Variants in PCDH15 observed in about 807,000 individuals in gnomAD.
PCDH15 encodes the protein protocadherin-15.
A neutral mutation model predicts 178.5 loss-of-function variants in PCDH15; 129 were observed. The observed-to-expected ratio is 0.72, with a 90% confidence interval of 0.63 to 0.84. PCDH15 has a LOEUF of 0.84. PCDH15 is among the 40% of genes least tolerant of loss of function. PCDH15 has a pLI of 0.00. For synonymous variants in PCDH15, 800 were observed against 732.0 expected (o/e 1.09, Z -1.50); for missense variants, 2,230 against 2,099.9 (o/e 1.06, Z -1.21).
intron 3 of PCDH15, among the ~76,000 whole-genome samples, chr10:54,390,091 C>A (rs1174940503): frequency 6.6e-6 from 1 of 152,180 alleles, no homozygotes; most frequent in Non-Finnish European, 1.5e-5. Flanking sequence ...GTTAGCCAAT[C>A]TAGCAGACTA....
In PCDH15 at chr10:53,811,531, A is replaced by G; in HGVS notation, c.4562+18T>C. ...ATATTAAAATAAGAATCTGAATTTTAAAAATCTGAAGATGTACCCATGCTC... is the reference window on the plus strand; with the variant it reads ...ATATTAAAATAAGAATCTGAATTTTGAAAATCTGAAGATGTACCCATGCTC... On this transcript the variant is annotated intron_variant, in intron 36 of 37. Transcript: ENST00000644397. 7.0e-7 allele frequency: 1 copy of G among 1,420,556 alleles called. No individual in the cohort carries two copies. Among genetic ancestry groups the G allele is most frequent in the South Asian group, 1.6e-5 (1 of 63,742 alleles). The allele number at this position is 1,420,556 out of a possible 1,614,324, so 88.0% of individuals were successfully genotyped here.
chr10:54,765,015 C>T (rs1007242418), intron 1 of PCDH15, among the ~76,000 whole-genome samples: 1 of 151,944 alleles, frequency 6.6e-6, no homozygotes, highest in African/African-American at 2.4e-5. Context: ...TAAAAAGATC[C>T]AACAGGCAAA....
intron 2 of PCDH15, among the ~76,000 whole-genome samples, chr10:55,085,445 CAAT>C (rs1464267782): frequency 9.2e-5 from 14 of 151,424 alleles, no homozygotes; most frequent in Admixed American, 7.3e-4. Context: ...ACAGAGTGGC[CAAT>C]AACAATTTAT....
At chr10:54,185,346 T>G in intron 11 of PCDH15, 78 bp from the exon 12 acceptor site, 8 of 1,532,682 alleles carry the variant, frequency 5.2e-6, no homozygotes, top group Non-Finnish European at 7.2e-6. Context: ...AGTTAATGTT[T>G]GAAATTTATA....
At chr10:55,150,868 A>T (rs1220801745) in intron 2 of PCDH15, among the ~76,000 whole-genome samples, 4 of 152,116 alleles carry the variant, frequency 2.6e-5, no homozygotes, top group Non-Finnish European at 5.9e-5. Flanking sequence ...TCTCAGTTAC[A>T]TTTTGAAGCT....
intron 3 of PCDH15, among the ~76,000 whole-genome samples, chr10:54,837,946 G>A (rs543394651): frequency 2.6e-5 from 4 of 152,122 alleles, no homozygotes; most frequent in Non-Finnish European, 5.9e-5. Flanking sequence ...GGAAACCGTC[G>A]TGTTAAACTC....
intron 3 of PCDH15, among the ~76,000 whole-genome samples, chr10:54,858,630 C>A (rs1953783165): frequency 6.6e-6 from 1 of 151,952 alleles, no homozygotes; most frequent in South Asian, 2.1e-4. Flanking sequence ...ATTATGTAAC[C>A]ACCAGATGCA....
chr10:55,508,841 A>ATTG (rs1565207416), intron 2 of PCDH15, among the ~76,000 whole-genome samples: 2 of 151,602 alleles, frequency 1.3e-5, no homozygotes, highest in East Asian at 1.9e-4. Flanking sequence ...GTATTGTATT[A>ATTG]TGTGATCAGG....
chr10:54,267,605 G>T (rs2057777023), intron 8 of PCDH15, among the ~76,000 whole-genome samples: 1 of 151,702 alleles, frequency 6.6e-6, no homozygotes, highest in African/African-American at 2.4e-5. Flanking sequence ...CATACAAAAA[G>T]CAGTAGTATT....
intron 3 of PCDH15, among the ~76,000 whole-genome samples, chr10:54,841,038 A>G (rs905651665): frequency 3.3e-5 from 5 of 151,950 alleles, no homozygotes; most frequent in African/African-American, 7.2e-5. Context: ...CAATAAGGAA[A>G]CAGCAGACTT....
chr10:55,403,841 C>T (rs543617163), intron 2 of PCDH15, among the ~76,000 whole-genome samples: 2 of 151,836 alleles, frequency 1.3e-5, no homozygotes, highest in African/African-American at 2.4e-5. Context: ...AGGCTATAAA[C>T]GACATTAACA....
chr10:54,011,064 T>G lies in PCDH15; in HGVS notation c.2751+9128A>C, dbSNP rs562193022. On this transcript the variant is annotated intron_variant, in intron 20 of 37. Coordinates refer to ENST00000644397, the MANE Select transcript of PCDH15 (RefSeq NM_001384140.1). Reference sequence around the variant, plus strand: ...AAGCCCAGACTGTCCTCCCTGTGAATCCTCAACCTCCCGTTCTTTACCCAG... The same window carrying G: ...AAGCCCAGACTGTCCTCCCTGTGAAGCCTCAACCTCCCGTTCTTTACCCAG... Among the ~76,000 whole-genome samples, 4 of 152,198 alleles carry G rather than the reference T, an allele frequency of 2.6e-5. No individual in the cohort carries two copies. In the South Asian group the frequency reaches 8.3e-4, roughly 32 times the overall value.
rs1317626271 is a variant in PCDH15, at chr10:54,022,995, T to A, written c.2423A>T (p.Lys808Met). 1.2e-6 allele frequency: 2 copies of A among 1,613,986 alleles called. No individual in the cohort carries two copies. The highest frequency in any genetic ancestry group is 1.7e-6 in the Non-Finnish European group (2 of 1,179,884). ...PRHSTLTLAIKVLDIDDNSPV... is the reference protein window; with the variant it reads ...PRHSTLTLAIMVLDIDDNSPV... ...ACTGTTATCATCAATGTCCAAAACC[T>A]TGATGGCCAAGGTTAGAGTTGAATG... The change falls in exon 19 of 38, where the codon AAG becomes ATG. Residue 808 changes from lysine (K) to methionine (M), a missense_variant. Transcript: ENST00000644397.
rs7077036 is a variant in PCDH15, at chr10:54,242,264, C to T, written c.877-5333G>A. The stretch of plus-strand genomic sequence containing the variant: ...CAAGCAATCCCAAAAGATTAAGAAG[C>T]CTTTTTGTAGATTTAATAAAATCTC... On this transcript the variant is annotated intron_variant, in intron 8 of 37. Transcript: ENST00000644397. Among the ~76,000 whole-genome samples, 559 of 143,360 alleles carry T rather than the reference C, an allele frequency of 3.9e-3. 4 individuals carry two copies. The highest frequency in any genetic ancestry group is 0.014 in the African/African-American group (524 of 38,668). 94.0% of individuals were successfully genotyped at this position (143,360 alleles called of 152,430 possible).
chr10:54,337,499 C>T (rs1484116591), intron 6 of PCDH15, among the ~76,000 whole-genome samples: 1 of 152,086 alleles, frequency 6.6e-6, no homozygotes, highest in Non-Finnish European at 1.5e-5. Context: ...CATTAAACCC[C>T]TTTTTCTTTA....
chr10:53,976,438 T>C (rs1395476994), intron 21 of PCDH15, among the ~76,000 whole-genome samples: 1 of 152,142 alleles, frequency 6.6e-6, no homozygotes, highest in Non-Finnish European at 1.5e-5. Context: ...ATTGACCTTA[T>C]CAAACACCAA....
chr10:55,244,978 T>G (rs1199941946), intron 1 of PCDH15, among the ~76,000 whole-genome samples: 1 of 152,098 alleles, frequency 6.6e-6, no homozygotes, highest in Admixed American at 6.6e-5. Context: ...ATTCTTTCTG[T>G]CTTCTATTCT....
At chr10:55,601,971 G>C (rs1008874623) in intron 2 of PCDH15, among the ~76,000 whole-genome samples, 1 of 152,108 alleles carries the variant, frequency 6.6e-6, no homozygotes, top group Admixed American at 6.5e-5. Flanking sequence ...ATTTCCATCT[G>C]AGGTACCAGG....
chr10:55,386,633 T>C (rs537447468), intron 2 of PCDH15, among the ~76,000 whole-genome samples: 2 of 152,178 alleles, frequency 1.3e-5, no homozygotes, highest in South Asian at 4.1e-4. Context: ...AATTCTGAAA[T>C]AACTATCCAG....
Sources: allele counts gnomAD v4.1 joint callset (sites outside exome capture counted in the v4.1 genomes callset), GRCh38; gene constraint gnomAD v4.1.1; transcripts MANE v1.5; gene names NCBI Gene and HGNC (gene_info 2026-07-23, HGNC 2026-07-21).